The following ACVR1 variants were observed in gnomAD, a reference collection of about 807,000 sequenced individuals.
ACVR1 encodes the protein activin receptor type-1.
In ACVR1, 38 loss-of-function variants were observed where a neutral mutation model predicts 57.1. That is an observed-to-expected ratio of 0.67 (90% CI 0.51 to 0.87). ACVR1 has a LOEUF of 0.87. Among genes scored for constraint, ACVR1 ranks in the 40% least tolerant of loss-of-function variants. The probability of loss-of-function intolerance (pLI) is 0.00; values close to 1 mark genes in which losing one functional copy is unlikely to be tolerated. For missense variants in ACVR1, 463 were observed against 638.2 expected, an observed-to-expected ratio of 0.73 and a Z score of 2.96; for synonymous variants, 212 against 228.1, an observed-to-expected ratio of 0.93 and a Z score of 0.63.
At chr2:157,795,816 C>A (rs1003095000) in intron 3 of ACVR1, among the ~76,000 whole-genome samples, 8 of 152,108 alleles carry the variant, frequency 5.3e-5, no homozygotes, top group African/African-American at 1.9e-4. Flanking sequence ...TTTCCCCATT[C>A]TCTCTCTACC....
At chr2:157,803,385 C>G (rs1182949383) in intron 2 of ACVR1, among the ~76,000 whole-genome samples, 1 of 152,088 alleles carries the variant, frequency 6.6e-6, no homozygotes, top group East Asian at 1.9e-4. Flanking sequence ...TACTGGTTGC[C>G]ATTTTGTTCA....
At chr2:157,752,475 C>T (rs1427917224) in intron 9 of ACVR1, among the ~76,000 whole-genome samples, 1 of 152,240 alleles carries the variant, frequency 6.6e-6, no homozygotes, top group African/African-American at 2.4e-5. Context: ...TCCTGAATTG[C>T]CAGAAAAAGA....
chr2:157,743,716 G>C (rs1265788071), intron 9 of ACVR1, among the ~76,000 whole-genome samples: 1 of 150,816 alleles, frequency 6.6e-6, no homozygotes, highest in Non-Finnish European at 1.5e-5. Flanking sequence ...AATAAATAAA[G>C]GTTATACACT....
chr2:157,784,873 G>A (rs1272821510), intron 3 of ACVR1, among the ~76,000 whole-genome samples: 1 of 152,194 alleles, frequency 6.6e-6, no homozygotes, highest in Non-Finnish European at 1.5e-5. Context: ...AAAGAACATC[G>A]TGGACTTTTA....
In ACVR1 at chr2:157,737,685, A is replaced by C. The variant is rs777518678; in HGVS notation, c.1396-20T>G. 2.5e-5 allele frequency: 40 copies of C among 1,614,044 alleles called. No individual in the cohort carries two copies. The highest frequency in any genetic ancestry group is 3.4e-5 in the Non-Finnish European group (40 of 1,179,926). On this transcript the variant is annotated intron_variant, in intron 10 of 10. Transcript: ENST00000434821. ...TAATGTCTGAGGAGAGAAAGAACAA[A>C]CACCACAATGACAAACTGGCTTTTT...
intron 1 of ACVR1, among the ~76,000 whole-genome samples, chr2:157,841,858 T>G (rs1437465211): frequency 6.6e-6 from 1 of 151,852 alleles, no homozygotes; most frequent in African/African-American, 2.4e-5. Flanking sequence ...CCCATCTGTA[T>G]GAAAAATATT....
chr2:157,758,902 C>G (rs72921041), intron 9 of ACVR1, among the ~76,000 whole-genome samples: 2 of 151,928 alleles, frequency 1.3e-5, no homozygotes, highest in Non-Finnish European at 2.9e-5. Flanking sequence ...ACCACTGGGT[C>G]AATGAAGAAA....
intron 1 of ACVR1, among the ~76,000 whole-genome samples, chr2:157,867,521 C>T (rs372341679): frequency 8.5e-5 from 13 of 152,350 alleles, no homozygotes; most frequent in African/African-American, 3.1e-4. Flanking sequence ...ACAGCACACA[C>T]ATCTCCCTCA....
At position 157,813,122 on chromosome 2, in the gene ACVR1, AAC is replaced by A. The variant is rs1206038571; in HGVS notation, c.-8+5261_-8+5262del. 2.0e-5 allele frequency among the ~76,000 whole-genome samples: 3 copies of A among 152,004 alleles called. No homozygotes were observed. The East Asian group carries it at 5.8e-4, about 29-fold the overall frequency. On this transcript the variant is annotated intron_variant, in intron 2 of 10. Transcript: ENST00000434821. The stretch of plus-strand genomic sequence containing the variant: ...TTAAAGTTCCTATTTTTAAAACACA[AAC>A]ACACACACACAAGTAATAAAATTCT...
intron 1 of ACVR1, among the ~76,000 whole-genome samples, chr2:157,839,379 T>C (rs1688899642): frequency 6.6e-6 from 1 of 152,200 alleles, no homozygotes; most frequent in South Asian, 2.1e-4. Context: ...TAGGCCTCCA[T>C]GGACAAATTA....
At chr2:157,791,549 C>T (rs866702733) in intron 3 of ACVR1, among the ~76,000 whole-genome samples, 1 of 152,326 alleles carries the variant, frequency 6.6e-6, no homozygotes, top group Middle Eastern at 3.4e-3. Flanking sequence ...CACTGTGTGC[C>T]GGGCACTCGG....
At chr2:157,857,918 A>AT (rs1689590335) in intron 1 of ACVR1, among the ~76,000 whole-genome samples, 1 of 151,878 alleles carries the variant, frequency 6.6e-6, no homozygotes, top group Non-Finnish European at 1.5e-5. Flanking sequence ...GCTCCTTGTA[A>AT]TTTTTTCTTC....
chr2:157,825,966 A>G (rs1444337210), intron 1 of ACVR1, among the ~76,000 whole-genome samples: 1 of 152,118 alleles, frequency 6.6e-6, no homozygotes, highest in Non-Finnish European at 1.5e-5. Context: ...ACGTGTGTAC[A>G]CCCCATTGCA....
At chr2:157,738,302 C>T (rs1404233388) in intron 10 of ACVR1, 138 bp downstream of exon 10, 2 of 1,311,494 alleles carry the variant, frequency 1.5e-6, no homozygotes, top group Admixed American at 1.8e-5. Context: ...AGATCTAAAC[C>T]CTTCTATATA....
At chr2:157,805,835 T>C (rs1229163104) in intron 2 of ACVR1, among the ~76,000 whole-genome samples, 4 of 103,454 alleles carry the variant, frequency 3.9e-5, no homozygotes, top group Non-Finnish European at 8.9e-5. Flanking sequence ...TTTTTTTTTT[T>C]TTTTTTGAGA....
chr2:157,782,056 A>C (rs528586472), intron 3 of ACVR1, among the ~76,000 whole-genome samples: 3 of 152,332 alleles, frequency 2.0e-5, no homozygotes, highest in African/African-American at 7.2e-5. Flanking sequence ...TTTCCAGAGG[A>C]GACCTTAAGG....
intron 1 of ACVR1, among the ~76,000 whole-genome samples, chr2:157,844,819 G>A (rs1689080680): frequency 6.6e-6 from 1 of 152,100 alleles, no homozygotes; most frequent in Non-Finnish European, 1.5e-5. Context: ...GCGTGATTAA[G>A]TCATTAGGGA....
At chr2:157,829,935 C>T (rs2105343097) in intron 1 of ACVR1, among the ~76,000 whole-genome samples, 1 of 152,308 alleles carries the variant, frequency 6.6e-6, no homozygotes, top group Non-Finnish European at 1.5e-5. Flanking sequence ...GGCCAAGAGG[C>T]TGGGCGCAGT....
intron 1 of ACVR1, among the ~76,000 whole-genome samples, chr2:157,851,588 G>C (rs1689302573): frequency 6.6e-6 from 1 of 152,134 alleles, no homozygotes; most frequent in Admixed American, 6.5e-5. Flanking sequence ...ATTCTGTATA[G>C]CTGAAAAGAA....
Sources: gnomAD v4.1 joint callset for allele counts (sites outside exome capture counted in the v4.1 genomes callset) on GRCh38, gnomAD v4.1.1 for gene constraint, MANE v1.5 for transcripts, NCBI Gene and HGNC (gene_info 2026-07-23, HGNC 2026-07-21) for gene names.